The following CACNG3 variants were observed in gnomAD, a reference collection of about 807,000 sequenced individuals.
CACNG3 encodes the protein voltage-dependent calcium channel gamma-3 subunit.
Under a neutral mutation model 28.5 loss-of-function variants are expected in CACNG3, and 3 were observed. The ratio of observed to expected loss-of-function variants is 0.11; its 90% CI spans 0.05 to 0.27. The LOEUF (loss-of-function observed/expected upper bound fraction) is 0.27. Among genes scored for constraint, CACNG3 ranks in the 10% least tolerant of loss-of-function variants. The pLI is 1.00. For missense variants in CACNG3, 236 were observed against 414.4 expected, an observed-to-expected ratio of 0.57 and a Z score of 3.74; for synonymous variants, 174 against 162.2, an observed-to-expected ratio of 1.07 and a Z score of -0.55.
intron 1 of CACNG3, among the ~76,000 whole-genome samples, chr16:24,272,085 C>A: frequency 1.3e-5 from 2 of 149,826 alleles, no homozygotes; most frequent in African/African-American, 2.5e-5. Context: ...AGTGATTATA[C>A]ATTTTCTCTC....
intron 1 of CACNG3, among the ~76,000 whole-genome samples, chr16:24,301,414 T>A (rs1596633985): frequency 6.6e-6 from 1 of 152,176 alleles, no homozygotes; most frequent in African/African-American, 2.4e-5. Context: ...GAATTAACTC[T>A]GGAACTGAAC....
intron 1 of CACNG3, among the ~76,000 whole-genome samples, chr16:24,266,997 C>T (rs1409050692): frequency 2.1e-5 from 3 of 146,238 alleles, no homozygotes; most frequent in African/African-American, 7.8e-5. Flanking sequence ...GATGGAGTCT[C>T]GCTCTATCGC....
intron 1 of CACNG3, among the ~76,000 whole-genome samples, chr16:24,324,606 G>A (rs1023641210): frequency 7.2e-5 from 11 of 152,138 alleles, no homozygotes; most frequent in South Asian, 2.1e-4. Flanking sequence ...GGCAGCCTGA[G>A]GGACCATTTA....
intron 3 of CACNG3, among the ~76,000 whole-genome samples, chr16:24,358,992 C>CG (rs1900071458): frequency 6.6e-6 from 1 of 152,096 alleles, no homozygotes; most frequent in African/African-American, 2.4e-5. Flanking sequence ...ATTGGCAATT[C>CG]GCTTGGCTTC....
intron 1 of CACNG3, among the ~76,000 whole-genome samples, chr16:24,289,072 T>C (rs1180793820): frequency 1.3e-5 from 2 of 152,252 alleles, no homozygotes; most frequent in East Asian, 1.9e-4. Context: ...GGCCACCCAA[T>C]TGAAGTGTCA....
chr16:24,336,275 A>ATTT (rs548335074), intron 1 of CACNG3, among the ~76,000 whole-genome samples: 5 of 142,612 alleles, frequency 3.5e-5, no homozygotes, highest in African/African-American at 1.3e-4. Context: ...GATCACTGGC[A>ATTT]TTTTTTTTTT....
At chr16:24,329,406 C>T (rs894975719) in intron 1 of CACNG3, among the ~76,000 whole-genome samples, 2 of 152,180 alleles carry the variant, frequency 1.3e-5, no homozygotes, top group Admixed American at 6.5e-5. Flanking sequence ...ATCCAGGAGG[C>T]TCTCTTCTCT....
At chr16:24,268,907 A>G (rs1898648528) in intron 1 of CACNG3, among the ~76,000 whole-genome samples, 1 of 151,978 alleles carries the variant, frequency 6.6e-6, no homozygotes, top group African/African-American at 2.4e-5. Flanking sequence ...CTCATCCTCA[A>G]CTCCAGGTTT....
intron 1 of CACNG3, among the ~76,000 whole-genome samples, chr16:24,344,924 A>G (rs748467461): frequency 3.1e-4 from 47 of 152,206 alleles, no homozygotes; most frequent in Non-Finnish European, 5.9e-4. Flanking sequence ...CCAAAAATCA[A>G]TTCCGTCACT....
intron 1 of CACNG3, among the ~76,000 whole-genome samples, chr16:24,343,400 AAC>A (rs1567223356): frequency 1.3e-5 from 2 of 152,108 alleles, no homozygotes; most frequent in Non-Finnish European, 2.9e-5. Flanking sequence ...TCTTCACCTG[AAC>A]ACTTTCTTCC....
At chr16:24,263,851 A>C (rs1001523079) in intron 1 of CACNG3, among the ~76,000 whole-genome samples, 4 of 152,248 alleles carry the variant, frequency 2.6e-5, no homozygotes, top group African/African-American at 9.6e-5. Context: ...ACAAACAATA[A>C]GTTAGCTTTC....
intron 3 of CACNG3, among the ~76,000 whole-genome samples, chr16:24,358,434 A>G (rs1429854453): frequency 2.0e-5 from 3 of 152,240 alleles, no homozygotes; most frequent in Admixed American, 2.0e-4. Context: ...GTATTGATAA[A>G]GTGCCCAGAG....
At chr16:24,273,239 CT>C (rs1898712245) in intron 1 of CACNG3, among the ~76,000 whole-genome samples, 1 of 152,108 alleles carries the variant, frequency 6.6e-6, no homozygotes, top group Non-Finnish European at 1.5e-5. Context: ...TTATTCAGTC[CT>C]TCTGGTAGTT....
At chr16:24,321,236 G>A (rs1899452422) in intron 1 of CACNG3, among the ~76,000 whole-genome samples, 2 of 152,220 alleles carry the variant, frequency 1.3e-5, no homozygotes, top group Admixed American at 1.3e-4. Context: ...TTGGGAGGCT[G>A]AGGCGGGAGG....
intron 1 of CACNG3, among the ~76,000 whole-genome samples, chr16:24,335,190 C>T (rs893723238): frequency 3.0e-4 from 46 of 152,264 alleles, no homozygotes; most frequent in African/African-American, 9.1e-4. Context: ...GAGGCTGAGG[C>T]AGGCAGATCA....
chr16:24,340,745 C>T (rs1899775137), intron 1 of CACNG3, among the ~76,000 whole-genome samples: 1 of 152,142 alleles, frequency 6.6e-6, no homozygotes, highest in Non-Finnish European at 1.5e-5. Context: ...TCTCTTTTGG[C>T]TCTGTCTTTC....
chr16:24,319,662 C>A lies in CACNG3; in HGVS notation c.212-27072C>A, dbSNP rs146478013. On this transcript the variant is annotated intron_variant, in intron 1 of 3. Transcript: ENST00000005284. Reference sequence around the variant, plus strand: ...AGAGATAGAGTCTTGCTGTGTTGCCCAGGCTGGTCTTGTACTCTTGGCCTC... The same window carrying A: ...AGAGATAGAGTCTTGCTGTGTTGCCAAGGCTGGTCTTGTACTCTTGGCCTC... Among the ~76,000 whole-genome samples the A allele has an allele frequency of 9.2e-3, 1,401 of 151,952 alleles. 30 individuals are homozygous for A. Among genetic ancestry groups the A allele is most frequent in the African/African-American group, 0.032 (1,346 of 41,454 alleles).
At chr16:24,354,605 G>A (rs1900003565) in intron 2 of CACNG3, among the ~76,000 whole-genome samples, 1 of 152,160 alleles carries the variant, frequency 6.6e-6, no homozygotes, top group Admixed American at 6.5e-5. Context: ...ACACACATTC[G>A]ATTATAAAAT....
At chr16:24,302,634 G>C (rs905839068) in intron 1 of CACNG3, among the ~76,000 whole-genome samples, 1 of 129,072 alleles carries the variant, frequency 7.7e-6, no homozygotes. Flanking sequence ...TTTTTTGTTT[G>C]TTTTTGTTTT....
Sources: gnomAD v4.1 joint callset for allele counts (sites outside exome capture counted in the v4.1 genomes callset) on GRCh38, gnomAD v4.1.1 for gene constraint, MANE v1.5 for transcripts, NCBI Gene and HGNC (gene_info 2026-07-23, HGNC 2026-07-21) for gene names.